Variants in SPIDR observed in about 807,000 individuals in gnomAD.
The protein encoded by SPIDR is scaffold protein involved in DNA repair.
SPIDR carries 93 observed loss-of-function variants against 104.6 expected under a neutral mutation model. That is an observed-to-expected ratio of 0.89 (90% CI 0.75 to 1.06). The LOEUF is 1.06. Among genes scored for constraint, SPIDR ranks in the 50% least tolerant of loss-of-function variants. SPIDR has a pLI of 0.00. For missense variants in SPIDR, 1,154 were observed against 1,111.2 expected, an observed-to-expected ratio of 1.04 and a Z score of -0.55; for synonymous variants, 431 against 416.9, an observed-to-expected ratio of 1.03 and a Z score of -0.41.
chr8:47,718,457 C>T (rs2082891999), intron 16 of SPIDR, among the ~76,000 whole-genome samples: 1 of 151,420 alleles, frequency 6.6e-6, no homozygotes, highest in Non-Finnish European at 1.5e-5. Flanking sequence ...GCAGTTTTTC[C>T]TTCTCAAATT....
At chr8:47,671,299 C>G (rs1263317856) in intron 10 of SPIDR, among the ~76,000 whole-genome samples, 1 of 151,982 alleles carries the variant, frequency 6.6e-6, no homozygotes, top group Non-Finnish European at 1.5e-5. Flanking sequence ...CTAAAAATGT[C>G]CCAGGCCAGG....
intron 8 of SPIDR, among the ~76,000 whole-genome samples, chr8:47,514,610 T>C (rs2082842954): frequency 6.6e-6 from 1 of 152,168 alleles, no homozygotes; most frequent in South Asian, 2.1e-4. Context: ...TTGGATGTGA[T>C]TCTGAGGCTG....
chr8:47,469,107 A>T (rs2075308927), intron 8 of SPIDR, among the ~76,000 whole-genome samples: 2 of 152,234 alleles, frequency 1.3e-5, no homozygotes, highest in Non-Finnish European at 2.9e-5. Flanking sequence ...AACATCACTT[A>T]TCATTAGAGA....
intron 8 of SPIDR, among the ~76,000 whole-genome samples, chr8:47,584,004 T>A (rs1409644432): frequency 6.6e-6 from 1 of 152,176 alleles, no homozygotes; most frequent in African/African-American, 2.4e-5. Flanking sequence ...AAGTGGTCAT[T>A]AAAGGGAGAG....
chr8:47,570,654 T>C (rs549893766), intron 8 of SPIDR, among the ~76,000 whole-genome samples: 20 of 152,274 alleles, frequency 1.3e-4, no homozygotes, highest in African/African-American at 4.8e-4. Context: ...ATGCAGATCA[T>C]ATATTTGATA....
Position 47,293,978 on chromosome 8 carries a change from G to C in SPIDR, c.473G>C (p.Cys158Ser). ...GTGGAAATCTCAGACTGTGCTTCTT[G>C]TGCAAGTAATCAGTCTTTGACAAGT... ...GAVEISDCAS[C>S]ASNQSLTSDE... The change falls in exon 5 of 20, where the codon TGT (cysteine) becomes TCT (serine). Residue 158 changes from cysteine (C) to serine (S), a missense_variant. Physicochemically the swap from Cys to Ser is moderately radical, Grantham distance 112. Transcript: ENST00000297423. The C allele has an allele frequency of 6.2e-7, 1 of 1,614,154 alleles. No homozygotes were observed. Among genetic ancestry groups the C allele is most frequent in the Non-Finnish European group, 8.5e-7 (1 of 1,180,016 alleles).
intron 8 of SPIDR, among the ~76,000 whole-genome samples, chr8:47,461,600 G>A (rs943739758): frequency 1.3e-5 from 2 of 152,162 alleles, no homozygotes; most frequent in African/African-American, 4.8e-5. Flanking sequence ...GTGAGCCACT[G>A]CGCCCAGCCT....
chr8:47,282,963 C>G (rs988971842), intron 2 of SPIDR, among the ~76,000 whole-genome samples: 1 of 151,902 alleles, frequency 6.6e-6, no homozygotes, highest in Admixed American at 6.6e-5. Flanking sequence ...TCAGGTGATT[C>G]TCCTGCCTCA....
intron 8 of SPIDR, among the ~76,000 whole-genome samples, chr8:47,539,253 T>A (rs1054627343): frequency 6.6e-6 from 1 of 152,204 alleles, no homozygotes; most frequent in Non-Finnish European, 1.5e-5. Context: ...TTAACCTTTT[T>A]AAAAATGTAT....
chr8:47,516,517 A>G (rs1283331604), intron 8 of SPIDR, among the ~76,000 whole-genome samples: 1 of 152,150 alleles, frequency 6.6e-6, no homozygotes, highest in Non-Finnish European at 1.5e-5. Context: ...CTTAAGTGGA[A>G]TCATACAATA....
chr8:47,527,211 G>A (rs1206894551), intron 8 of SPIDR, among the ~76,000 whole-genome samples: 1 of 152,162 alleles, frequency 6.6e-6, no homozygotes, highest in Admixed American at 6.5e-5. Flanking sequence ...GCCCTCAAGA[G>A]AAACTGTTTT....
At chr8:47,428,967 C>T (rs1421610765) in intron 7 of SPIDR, among the ~76,000 whole-genome samples, 1 of 152,184 alleles carries the variant, frequency 6.6e-6, no homozygotes, top group Non-Finnish European at 1.5e-5. Context: ...TATATCCTTA[C>T]CCACGTTTCA....
intron 6 of SPIDR, 107 bp from the exon 7 acceptor site, chr8:47,407,754 A>C (rs1745384913): frequency 3.7e-6 from 2 of 535,758 alleles, no homozygotes; most frequent in Non-Finnish European, 6.4e-6. Flanking sequence ...AAAATTTTGC[A>C]TGTTTTATCT....
At chr8:47,346,075 A>G (rs1196671453) in intron 5 of SPIDR, among the ~76,000 whole-genome samples, 1 of 152,228 alleles carries the variant, frequency 6.6e-6, no homozygotes, top group African/African-American at 2.4e-5. Context: ...GTTTTTGCCC[A>G]TTCAGCATGA....
At chr8:47,619,620 T>C (rs2082448951) in intron 10 of SPIDR, among the ~76,000 whole-genome samples, 2 of 47,310 alleles carry the variant, frequency 4.2e-5, no homozygotes, top group Admixed American at 2.9e-4. Context: ...ATATTACCCT[T>C]TTTTTTTTTT....
In SPIDR at chr8:47,735,307, A is replaced by G; in HGVS notation, c.2605A>G (p.Ser869Gly). ...ACCAGCGTGCCTTTTATCACTGCAG[A>G]GCTACGAAGTGAAGAGTGTCCTCGG... ...LLRFAAGEDG[S>G]YEVKSVLGKE... Residue 869 changes from serine to glycine, a missense_variant and splice_region_variant, in exon 20 of 20, where the codon AGC becomes GGC. Transcript: ENST00000297423. The G allele has an allele frequency of 6.2e-7, 1 of 1,613,962 alleles. No individual in the cohort carries two copies.
intron 8 of SPIDR, among the ~76,000 whole-genome samples, chr8:47,515,442 T>G (rs1475927651): frequency 6.6e-6 from 1 of 152,208 alleles, no homozygotes; most frequent in Non-Finnish European, 1.5e-5. Context: ...TGAGCTTTGA[T>G]GTCCTCTGGT....
At chr8:47,316,154 C>T (rs1160751612) in intron 5 of SPIDR, among the ~76,000 whole-genome samples, 1 of 152,122 alleles carries the variant, frequency 6.6e-6, no homozygotes, top group Non-Finnish European at 1.5e-5. Context: ...AGTACACACA[C>T]TTCATAAATG....
At chr8:47,513,917 CTGT>C (rs1442952379) in intron 8 of SPIDR, among the ~76,000 whole-genome samples, 3 of 152,256 alleles carry the variant, frequency 2.0e-5, no homozygotes, top group East Asian at 1.9e-4. Flanking sequence ...AGTCACCCTA[CTGT>C]TGTTCTCTCT....
Sources: allele counts gnomAD v4.1 joint callset (sites outside exome capture counted in the v4.1 genomes callset), GRCh38; gene constraint gnomAD v4.1.1; transcripts MANE v1.5; gene names NCBI Gene and HGNC (gene_info 2026-07-23, HGNC 2026-07-21).